TMPRSS11D: variants seen among roughly 807,000 people sequenced by gnomAD.
The protein encoded by TMPRSS11D is transmembrane protease serine 11D.
A neutral mutation model predicts 44.4 loss-of-function variants in TMPRSS11D; 32 were observed. The observed-to-expected ratio is 0.72, with a 90% confidence interval of 0.54 to 0.97. The LOEUF is 0.97. Among genes scored for constraint, TMPRSS11D ranks in the 50% least tolerant of loss-of-function variants. The probability of loss-of-function intolerance (pLI) is 0.00; values close to 1 mark genes in which losing one functional copy is unlikely to be tolerated. For missense variants in TMPRSS11D, 446 were observed against 502.6 expected (o/e 0.89, Z 1.08); for synonymous variants, 179 against 177.9 (o/e 1.01, Z -0.05).
At chr4:67,875,412 C>G (rs72643684) in intron 1 of TMPRSS11D, among the ~76,000 whole-genome samples, 3,205 of 152,266 alleles carry the variant, frequency 0.021, 54 homozygotes, top group Middle Eastern at 0.061. Context: ...TCCATCCTCC[C>G]TTCTTAACAA....
At chr4:67,849,317 A>C (rs1173731035) in intron 3 of TMPRSS11D, among the ~76,000 whole-genome samples, 1 of 152,198 alleles carries the variant, frequency 6.6e-6, no homozygotes, top group Non-Finnish European at 1.5e-5. Context: ...TAAGGATATC[A>C]AGCTGGTAAC....
intron 3 of TMPRSS11D, among the ~76,000 whole-genome samples, chr4:67,844,629 A>T (rs969829457): frequency 1.3e-5 from 2 of 151,936 alleles, no homozygotes; most frequent in Non-Finnish European, 2.9e-5. Context: ...CAAAAAAAAA[A>T]TTAGCCAGGT....
chr4:67,822,318 C>A lies in TMPRSS11D; in HGVS notation c.*19G>T. 6.2e-7 allele frequency: 1 copy of A among 1,611,580 alleles called. No homozygotes were observed. Among genetic ancestry groups the A allele is most frequent in the East Asian group, 2.2e-5 (1 of 44,824 alleles). On this transcript the variant is annotated 3_prime_UTR_variant, in exon 10 of 10. Coordinates refer to ENST00000283916, the MANE Select transcript of TMPRSS11D (RefSeq NM_004262.3). ...GCACACCTGCATACAGACTTTGCAA[C>A]AGGGATGCACTTGTTGCACTAGATC...
At chr4:67,833,445 A>C in intron 6 of TMPRSS11D, 64 bp from the exon 7 acceptor site, 1 of 1,332,162 alleles carries the variant, frequency 7.5e-7, no homozygotes, top group Non-Finnish European at 9.8e-7. Flanking sequence ...GAAGAAGCTG[A>C]AGAGTCTTTC....
Position 67,852,702 on chromosome 4 carries a change from G to A in TMPRSS11D, c.249+1366C>T, listed in dbSNP as rs147782076. Among the ~76,000 whole-genome samples the A allele has an allele frequency of 6.3e-3, 964 of 152,264 alleles. 3 individuals are homozygous for A. Among genetic ancestry groups the A allele is most frequent in the Middle Eastern group, 0.031 (9 of 294 alleles). On this transcript the variant is annotated intron_variant, in intron 3 of 9. Coordinates refer to ENST00000283916, the MANE Select transcript of TMPRSS11D (RefSeq NM_004262.3). ...CAGTTGAATCAGAATGATTTGGGAA[G>A]AGACTCTTGGACAGGAACCAGATGT... is the stretch of plus-strand genomic sequence containing the variant.
At chr4:67,822,844 T>C (rs1486383033) in intron 9 of TMPRSS11D, among the ~76,000 whole-genome samples, 1 of 152,218 alleles carries the variant, frequency 6.6e-6, no homozygotes, top group Non-Finnish European at 1.5e-5. Context: ...TTGGGCTCAA[T>C]TGTTCTTCAT....
At position 67,842,607 on chromosome 4, in the gene TMPRSS11D, C is replaced by T. The variant is rs199711462; in HGVS notation, c.268G>A (p.Glu90Lys). The part of the protein sequence containing the change: ...IESLITKTFK[E>K]SNLRNQFIRA... Reference sequence around the variant, plus strand: ...ATGAACTGATTTCTTAAATTTGATTCTTTGAATGTTTTAGTAATCTGTAGA... The same window carrying T: ...ATGAACTGATTTCTTAAATTTGATTTTTTGAATGTTTTAGTAATCTGTAGA... Residue 90 changes from glutamate to lysine, a missense_variant, in exon 4 of 10, where the codon GAA becomes AAA. Physicochemically the swap from Glu to Lys is moderately conservative, Grantham distance 56 (BLOSUM62 1). Coordinates refer to ENST00000283916, the MANE Select transcript of TMPRSS11D (RefSeq NM_004262.3). 2.5e-6 allele frequency: 4 copies of T among 1,606,334 alleles called. No homozygotes were observed. The highest frequency in any genetic ancestry group is 1.7e-5 in the Admixed American group (1 of 57,968).
At chr4:67,834,644 C>T (rs1176262590) in intron 6 of TMPRSS11D, among the ~76,000 whole-genome samples, 1 of 152,114 alleles carries the variant, frequency 6.6e-6, no homozygotes, top group Admixed American at 6.6e-5. Context: ...GCTGGGAAGA[C>T]TTCTGACAAT....
chr4:67,831,246 A>C (rs547352668), intron 7 of TMPRSS11D, among the ~76,000 whole-genome samples: 53 of 152,206 alleles, frequency 3.5e-4, no homozygotes, highest in African/African-American at 1.2e-3. Context: ...AAGAGGTGAT[A>C]ATTCAATAAT....
chr4:67,847,611 C>A (rs1718388914), intron 3 of TMPRSS11D, among the ~76,000 whole-genome samples: 1 of 152,152 alleles, frequency 6.6e-6, no homozygotes, highest in Non-Finnish European at 1.5e-5. Context: ...GTCTACCCTT[C>A]CCTCAGATCT....
chr4:67,882,782 T>C (rs116795948), intron 1 of TMPRSS11D, among the ~76,000 whole-genome samples: 2,512 of 152,172 alleles, frequency 0.017, 59 homozygotes, highest in African/African-American at 0.055. Flanking sequence ...ACCTGATTAA[T>C]GTTCTATGTT....
intron 1 of TMPRSS11D, among the ~76,000 whole-genome samples, chr4:67,881,563 A>G (rs371449096): frequency 3.9e-5 from 6 of 152,308 alleles, no homozygotes; most frequent in African/African-American, 1.4e-4. Flanking sequence ...CTATGAAGAA[A>G]TATGTTCTTT....
In TMPRSS11D at chr4:67,821,282, A is replaced by G. The variant is rs1273867046; in HGVS notation, c.*1055T>C. 1 of 152,140 alleles carries G rather than the reference A, an allele frequency of 6.6e-6. No individual in the cohort carries two copies. The highest frequency in any genetic ancestry group is 1.5e-5 in the Non-Finnish European group (1 of 68,028). 9.4% of individuals were successfully genotyped at this position (152,140 alleles called of 1,614,324 possible). ...AGAAGGGGAGAGAGAGAGAAAGAAA[A>G]TGAGAGAGGAAGAGTGACAAAGTTT... On this transcript the variant is annotated 3_prime_UTR_variant, in exon 10 of 10. Transcript: ENST00000283916.
At chr4:67,866,037 A>G (rs1718917064) in intron 1 of TMPRSS11D, among the ~76,000 whole-genome samples, 1 of 151,892 alleles carries the variant, frequency 6.6e-6, no homozygotes, top group African/African-American at 2.4e-5. Context: ...ACAAGGGCAC[A>G]CACACAAGAA....
rs138990491 is a variant in TMPRSS11D, at chr4:67,838,323, A to C, written c.324T>G (p.Asp108Glu). Reference protein sequence around the residue: ...IRAHVAKLRQDGSGVRADVVM... With the variant: ...IRAHVAKLRQEGSGVRADVVM... ...CAACATCCGCTCTCACACCACTACC[A>C]TCTTGCCTGTAAATCATAAAGATAT... Residue 108 changes from aspartate to glutamate, a missense_variant, in exon 5 of 10, where the codon GAT becomes GAG. By Grantham distance (45) the Asp-to-Glu change is conservative. Transcript: ENST00000283916. The C allele has an allele frequency of 1.9e-6, 3 of 1,559,168 alleles. No individual in the cohort carries two copies. In the African/African-American group the frequency reaches 4.2e-5, roughly 22 times the overall value.
intron 1 of TMPRSS11D, among the ~76,000 whole-genome samples, chr4:67,872,303 T>C (rs1719078594): frequency 1.3e-5 from 2 of 152,182 alleles, no homozygotes. Context: ...TTTATTTTCA[T>C]TTTCTTTCCT....
chr4:67,865,800 A>G (rs1196318865), intron 1 of TMPRSS11D, among the ~76,000 whole-genome samples: 2 of 151,816 alleles, frequency 1.3e-5, no homozygotes, highest in Non-Finnish European at 2.9e-5. Flanking sequence ...AGGCAAAAAT[A>G]GAAATCCCAA....
intron 1 of TMPRSS11D, among the ~76,000 whole-genome samples, chr4:67,873,774 A>T (rs1719114251): frequency 6.6e-6 from 1 of 152,128 alleles, no homozygotes; most frequent in Non-Finnish European, 1.5e-5. Context: ...AGGGTTCTAG[A>T]TACAATTACA....
At chr4:67,847,607 C>G (rs1718388766) in intron 3 of TMPRSS11D, among the ~76,000 whole-genome samples, 1 of 152,060 alleles carries the variant, frequency 6.6e-6, no homozygotes, top group Non-Finnish European at 1.5e-5. Context: ...TACTGTCTAC[C>G]CTTCCCTCAG....
Sources: allele counts gnomAD v4.1 joint callset (sites outside exome capture counted in the v4.1 genomes callset), GRCh38; gene constraint gnomAD v4.1.1; transcripts MANE v1.5; gene names NCBI Gene and HGNC (gene_info 2026-07-23, HGNC 2026-07-21).